ERN1: variants seen among roughly 807,000 people sequenced by gnomAD.
ERN1 encodes the protein endoplasmic reticulum to nucleus signaling 1, also known as serine/threonine-protein kinase/endoribonuclease IRE1.
Under a neutral mutation model 113.1 loss-of-function variants are expected in ERN1, and 39 were observed. The observed-to-expected ratio is 0.34, with a 90% CI of 0.27 to 0.45. ERN1 has a LOEUF of 0.45. Among genes scored for constraint, ERN1 ranks in the 20% least tolerant of loss-of-function variants. The pLI, the probability that ERN1 is intolerant of heterozygous loss-of-function variation, is 1.00. For synonymous variants in ERN1, 507 were observed against 515.9 expected (o/e 0.98, Z 0.23); for missense variants, 976 against 1,274.8 (o/e 0.77, Z 3.57).
intron 1 of ERN1, chr17:64,103,093 A>G (rs779326588): frequency 1.3e-5 from 4 of 306,882 alleles, no homozygotes; most frequent in Non-Finnish European, 1.9e-5. Flanking sequence ...CTTCAGCAGT[A>G]TAAGGGTCCT....
chr17:64,112,946 C>G (rs572262496), intron 1 of ERN1, among the ~76,000 whole-genome samples: 1 of 152,188 alleles, frequency 6.6e-6, no homozygotes, highest in South Asian at 2.1e-4. Flanking sequence ...CTTGGGTGTG[C>G]TCTGGAGGTG....
intron 1 of ERN1, among the ~76,000 whole-genome samples, chr17:64,118,589 G>A (rs1914871837): frequency 6.6e-6 from 1 of 152,192 alleles, no homozygotes; most frequent in African/African-American, 2.4e-5. Context: ...ACTGACATTT[G>A]TCAACTTGGT....
chr17:64,045,155 A>G (rs968012017), intron 20 of ERN1, among the ~76,000 whole-genome samples: 1 of 152,090 alleles, frequency 6.6e-6, no homozygotes, highest in Non-Finnish European at 1.5e-5. Context: ...GCACGACACC[A>G]TCACTCACCT....
chr17:64,045,974 A>G (rs1912501215), intron 19 of ERN1, among the ~76,000 whole-genome samples: 1 of 152,184 alleles, frequency 6.6e-6, no homozygotes, highest in Non-Finnish European at 1.5e-5. Context: ...CTCAAAGAGG[A>G]AACTTGGTGG....
At chr17:64,097,993 T>G in intron 2 of ERN1, 128 bp downstream of exon 2, 1 of 1,241,884 alleles carries the variant, frequency 8.1e-7, no homozygotes, top group Non-Finnish European at 1.1e-6. Context: ...CCTCTCTTGA[T>G]CCCATTCTTC....
chr17:64,060,636 G>A (rs1345244226), intron 10 of ERN1, 49 bp from the exon 11 acceptor site: 7 of 1,398,662 alleles, frequency 5.0e-6, no homozygotes, highest in Non-Finnish European at 7.1e-6. Context: ...CCGAGCTGTG[G>A]TGGCACTCAA....
chr17:64,064,561 C>A (rs1457049625), intron 9 of ERN1, among the ~76,000 whole-genome samples: 1 of 152,164 alleles, frequency 6.6e-6, no homozygotes, highest in African/African-American at 2.4e-5. Flanking sequence ...CAGAGGCAGG[C>A]GCTGTCTATT....
chr17:64,052,537 C>A (rs115999801), intron 17 of ERN1, among the ~76,000 whole-genome samples: 4 of 144,836 alleles, frequency 2.8e-5, no homozygotes, highest in Non-Finnish European at 3.0e-5. Context: ...ACCAACCAAA[C>A]AAAAAAAAAA....
chr17:64,098,241 T>A lies in ERN1; in HGVS notation c.55A>T (p.Ile19Phe), dbSNP rs1167250114. The part of the protein sequence containing the change: ...LLTLLLPGLG[I>F]FGSTSTVTLP... Reference sequence around the variant, plus strand: ...GTCACTGTGCTGGTACTTCCAAAAATCTGCAACGAGATGTAGAAGACTCTT... The same window carrying A: ...GTCACTGTGCTGGTACTTCCAAAAAACTGCAACGAGATGTAGAAGACTCTT... The change falls in exon 2 of 22, where the codon ATT becomes TTT. Residue 19 changes from isoleucine to phenylalanine, a missense_variant and splice_region_variant. Around this residue, in one of 5 missense-constraint regions of ERN1, gnomAD observed 459 missense variants for 581.2 expected, o/e 0.79. Coordinates refer to ENST00000433197, the MANE Select transcript of ERN1 (RefSeq NM_001433.5). 6.2e-7 allele frequency: 1 copy of A among 1,613,934 alleles called. No individual in the cohort carries two copies.
intron 2 of ERN1, chr17:64,097,852 A>G (rs1241427045): frequency 1.1e-5 from 4 of 369,830 alleles, no homozygotes. Context: ...TATTAATAGA[A>G]AAGCCTAGAG....
rs1156689375 is a variant in ERN1, at chr17:64,063,719, A to G, written c.1087+267T>C. Among the ~76,000 whole-genome samples, 1 of 152,204 alleles carries G rather than the reference A, an allele frequency of 6.6e-6. No individual in the cohort carries two copies. Among genetic ancestry groups the G allele is most frequent in the Non-Finnish European group, 1.5e-5 (1 of 68,034 alleles). On this transcript the variant is annotated intron_variant, in intron 10 of 21. Coordinates refer to ENST00000433197, the MANE Select transcript of ERN1 (RefSeq NM_001433.5). This position sits in a 1 kb window ranked among gnomAD's most constrained non-coding sequence, Gnocchi z 5.1. The stretch of plus-strand genomic sequence containing the variant: ...TGAGGAAATGCATTCTAAAGGGCTT[A>G]ATGTCGGATACTCACACAAGGTTTA...
At chr17:64,093,806 C>T (rs2143444209) in intron 2 of ERN1, among the ~76,000 whole-genome samples, 1 of 152,350 alleles carries the variant, frequency 6.6e-6, no homozygotes, top group Admixed American at 6.5e-5. Flanking sequence ...CATGTTGCTC[C>T]TTGCCTCAGG....
rs990581994 is a variant in ERN1 at position 64,040,988 on chromosome 17, A to T, written c.*3000T>A. 3.9e-5 allele frequency: 6 copies of T among 151,944 alleles called. No homozygotes were observed. The highest frequency in any genetic ancestry group is 1.3e-4 in the Admixed American group (2 of 15,228). The allele number at this position is 151,944 out of a possible 1,614,324, so 9.4% of individuals were successfully genotyped here. On this transcript the variant is annotated 3_prime_UTR_variant, in exon 22 of 22. Transcript: ENST00000433197. ...GGGAAACCCCGTCTCTACTAAAAAAAATATAAAAAATTAGCCGAGCGTGGT... is the reference window on the plus strand; with the variant it reads ...GGGAAACCCCGTCTCTACTAAAAAATATATAAAAAATTAGCCGAGCGTGGT...
At chr17:64,102,846 A>C (rs1454319448) in intron 1 of ERN1, 1 of 985,262 alleles carries the variant, frequency 1.0e-6, no homozygotes, top group African/African-American at 1.7e-5. Context: ...GATCTGTTTC[A>C]AGTTAACAAC....
Position 64,130,112 on chromosome 17 carries a change from G to A in ERN1, c.-83C>T, listed in dbSNP as rs1915202808. ...CCGCGACGACAGCGAGGCGGTGACC[G>A]AGCCTCAGCGGACGCAGAACTGACT... On this transcript the variant is annotated 5_prime_UTR_variant, in exon 1 of 22. Coordinates refer to ENST00000433197, the MANE Select transcript of ERN1 (RefSeq NM_001433.5). The surrounding 1 kb of genome is among the most constrained non-coding windows in gnomAD (Gnocchi z 4.0). 10 of 1,219,448 alleles carry A rather than the reference G, an allele frequency of 8.2e-6. No individual in the cohort carries two copies. The highest frequency in any genetic ancestry group is 2.6e-4 in the Middle Eastern group (1 of 3,826). 75.5% of individuals were successfully genotyped at this position (1,219,448 alleles called of 1,614,324 possible).
intron 15 of ERN1, among the ~76,000 whole-genome samples, chr17:64,053,649 G>A (rs531627528): frequency 6.2e-4 from 95 of 152,278 alleles, no homozygotes; most frequent in African/African-American, 2.0e-3. Context: ...CCTGGAAAAT[G>A]AGCAAAAGGA....
chr17:64,105,068 C>T (rs1306674946), intron 1 of ERN1, among the ~76,000 whole-genome samples: 2 of 152,322 alleles, frequency 1.3e-5, no homozygotes, highest in Admixed American at 6.5e-5. Flanking sequence ...ACACACTTCT[C>T]AGGTGGCATG....
In ERN1 at chr17:64,052,977, G is replaced by T; in HGVS notation, c.2056C>A (p.His686Asn). 6.2e-7 allele frequency: 1 copy of T among 1,606,692 alleles called. No homozygotes were observed. The highest frequency in any genetic ancestry group is 1.1e-5 in the South Asian group (1 of 90,116). ...LAHLHSLNIV[H>N]RDLKPHNILI... ...ATGTTGTGTGGCTTTAGGTCTCTGT[G>T]AACTAACAGAGAACTCCAGATTAGT... Residue 686 changes from histidine (H) to asparagine (N), a missense_variant and splice_region_variant, in exon 17 of 22, where the codon CAC becomes AAC. His to Asn is a moderately conservative substitution (Grantham distance 68, BLOSUM62 1). This residue lies in a region of ERN1 where 297 missense variants were observed against 457.8 expected (regional missense o/e 0.65). Coordinates refer to ENST00000433197, the MANE Select transcript of ERN1 (RefSeq NM_001433.5).
Position 64,054,652 on chromosome 17 carries a change from G to C in ERN1, c.1763+86C>G. On this transcript the variant is annotated intron_variant, in intron 14 of 21. Transcript: ENST00000433197. This position sits in a 1 kb window ranked among gnomAD's most constrained non-coding sequence, Gnocchi z 4.9. ...TCTAGGTCACTGCTTTGACCCTGCTGTGCTCTGAGCCTGGCACCAGGCTCG... is the reference window on the plus strand; with the variant it reads ...TCTAGGTCACTGCTTTGACCCTGCTCTGCTCTGAGCCTGGCACCAGGCTCG... 8.7e-7 allele frequency: 1 copy of C among 1,154,718 alleles called. No individual in the cohort carries two copies. 71.5% of individuals were successfully genotyped at this position (1,154,718 alleles called of 1,614,324 possible).
Sources: allele counts gnomAD v4.1 joint callset (sites outside exome capture counted in the v4.1 genomes callset), GRCh38; gene constraint gnomAD v4.1.1; regional missense constraint gnomAD v4.1.1; non-coding constraint Gnocchi (gnomAD v3.1); transcripts MANE v1.5; gene names NCBI Gene and HGNC (gene_info 2026-07-23, HGNC 2026-07-21).